MGAT5B: variants seen among roughly 807,000 people sequenced by gnomAD.
MGAT5B encodes N-acetylglucosaminyl-transferase Vb.
A neutral mutation model predicts 95.1 loss-of-function variants in MGAT5B; 54 were observed. The ratio of observed to expected loss-of-function variants is 0.57; its 90% confidence interval spans 0.46 to 0.71. The LOEUF (loss-of-function observed/expected upper bound fraction) is 0.71, where lower values mean the gene tolerates loss of function less well. Among genes scored for constraint, MGAT5B ranks in the 30% least tolerant of loss-of-function variants. The pLI is 0.00. For synonymous variants in MGAT5B, 464 were observed against 451.0 expected, an observed-to-expected ratio of 1.03 and a Z score of -0.36; for missense variants, 935 against 1,088.6, an observed-to-expected ratio of 0.86 and a Z score of 1.99.
intron 3 of MGAT5B, among the ~76,000 whole-genome samples, chr17:76,890,460 A>G (rs1405152999): frequency 2.0e-5 from 3 of 151,300 alleles, no homozygotes; most frequent in African/African-American, 2.5e-5. Context: ...TCAGGCTGCA[A>G]TAGCAAAGTT....
In MGAT5B at chr17:76,915,695, G is replaced by A. The variant is rs1293576386; in HGVS notation, c.1026-9271G>A. ...GAACCGCATCTTGGCACCTAGACTT[G>A]TGAATGGCAGCTCTCCTGCATCACC... On this transcript the variant is annotated intron_variant, in intron 8 of 17. Coordinates refer to ENST00000569840, the MANE Select transcript of MGAT5B (RefSeq NM_001199172.2). The surrounding 1 kb of genome is among the most constrained non-coding windows in gnomAD (Gnocchi z 8.7). Among the ~76,000 whole-genome samples the A allele has an allele frequency of 6.6e-6, 1 of 152,218 alleles. No individual in the cohort carries two copies. Among genetic ancestry groups the A allele is most frequent in the Non-Finnish European group, 1.5e-5 (1 of 68,034 alleles).
rs1968981067 is a variant in MGAT5B at position 76,917,559 on chromosome 17, T to C, written c.1026-7407T>C. Reference sequence around the variant, plus strand: ...ATTTTCCTGCAAGCCAGACTGCTTTTTCCTCGGCATCTCTAGCGTGGAGCC... The same window carrying C: ...ATTTTCCTGCAAGCCAGACTGCTTTCTCCTCGGCATCTCTAGCGTGGAGCC... On this transcript the variant is annotated intron_variant, in intron 8 of 17. Coordinates refer to ENST00000569840, the MANE Select transcript of MGAT5B (RefSeq NM_001199172.2). The surrounding 1 kb of genome is among the most constrained non-coding windows in gnomAD (Gnocchi z 6.1). Among the ~76,000 whole-genome samples, 1 of 152,188 alleles carries C rather than the reference T, an allele frequency of 6.6e-6. No homozygotes were observed. The highest frequency in any genetic ancestry group is 2.4e-5 in the African/African-American group (1 of 41,458).
intron 9 of MGAT5B, 111 bp from the exon 10 acceptor site, chr17:76,926,486 C>A: frequency 9.3e-7 from 1 of 1,072,250 alleles, no homozygotes; most frequent in Non-Finnish European, 1.3e-6. Context: ...ACACACTGTG[C>A]TACTCTGACT....
At chr17:76,887,523 C>T (rs1282698814) in intron 3 of MGAT5B, among the ~76,000 whole-genome samples, 1 of 74,706 alleles carries the variant, frequency 1.3e-5, no homozygotes, top group Non-Finnish European at 2.2e-5. Context: ...CCCTCCCTCC[C>T]TCCCTCCCTT....
chr17:76,925,089 G>A lies in MGAT5B; in HGVS notation c.1149G>A (p.Lys383=). 4 of 1,611,194 alleles carry A rather than the reference G, an allele frequency of 2.5e-6. No individual in the cohort carries two copies. Among genetic ancestry groups the A allele is most frequent in the Non-Finnish European group, 3.4e-6 (4 of 1,179,298 alleles). The change falls in exon 9 of 18, where the codon AAG becomes AAA. Residue 383 remains lysine (K), a synonymous_variant. Coordinates refer to ENST00000569840, the MANE Select transcript of MGAT5B (RefSeq NM_001199172.2). Reference sequence around the variant, plus strand: ...AGCGGCACATGGGACTCTCCTTCAAGAAGTACCGGTGAGAGGGCGGCCAGA... The same window carrying A: ...AGCGGCACATGGGACTCTCCTTCAAAAAGTACCGGTGAGAGGGCGGCCAGA... ...QMKRHMGLSF[K]KYRCRIRVID... is the part of the protein sequence containing the mutation.
In MGAT5B at chr17:76,904,379, A is replaced by G; in HGVS notation, c.647A>G (p.Gln216Arg). The change falls in exon 6 of 18, where the codon CAG (glutamine) becomes CGG (arginine). Residue 216 changes from glutamine to arginine, a missense_variant. Gln to Arg is a conservative substitution (Grantham distance 43). Coordinates refer to ENST00000569840, the MANE Select transcript of MGAT5B (RefSeq NM_001199172.2). The part of the protein sequence containing the change: ...WFCPPLPWRN[Q>R]TAAQRAPKPL... ...TGCCCCCCGCTGCCCTGGAGGAACC[A>G]GACGGCTGCCCAGAGGGCACCCAAG... is the stretch of plus-strand genomic sequence containing the variant. 3 of 1,574,828 alleles carry G rather than the reference A, an allele frequency of 1.9e-6. No individual in the cohort carries two copies. Among genetic ancestry groups the G allele is most frequent in the Non-Finnish European group, 8.6e-7 (1 of 1,160,484 alleles).
At position 76,914,296 on chromosome 17, in the gene MGAT5B, G is replaced by A. The variant is rs563898223; in HGVS notation, c.1025+8109G>A. 9.8e-5 allele frequency among the ~76,000 whole-genome samples: 15 copies of A among 152,326 alleles called. No individual in the cohort carries two copies. Among genetic ancestry groups the A allele is most frequent in the Middle Eastern group, 3.4e-3 (1 of 294 alleles). Reference sequence around the variant, plus strand: ...GCGGGATGGGGAGGACACAGCAGTCGTGAGTGTCTGCACTCCTCCAAGGAG... The same window carrying A: ...GCGGGATGGGGAGGACACAGCAGTCATGAGTGTCTGCACTCCTCCAAGGAG... On this transcript the variant is annotated intron_variant, in intron 8 of 17. Coordinates refer to ENST00000569840, the MANE Select transcript of MGAT5B (RefSeq NM_001199172.2). The surrounding 1 kb of genome is among the most constrained non-coding windows in gnomAD (Gnocchi z 5.1).
At position 76,948,703 on chromosome 17, in the gene MGAT5B, G is replaced by C; in HGVS notation, c.2244G>C (p.Gln748His). The C allele has an allele frequency of 6.2e-7, 1 of 1,613,500 alleles. No homozygotes were observed. The highest frequency in any genetic ancestry group is 8.5e-7 in the Non-Finnish European group (1 of 1,179,858). ...EMNHLYPAFA[Q>H]PGQECYLQKE... is the part of the protein sequence containing the mutation. ...ACCACCTGTACCCGGCGTTCGCCCA[G>C]CCTGGCCAGGAGTGCTACCTGCAGA... The change falls in exon 18 of 18, where the codon CAG (glutamine) becomes CAC (histidine). Residue 748 changes from glutamine (Q) to histidine (H), a missense_variant. Gln to His is a conservative substitution (Grantham distance 24). Transcript: ENST00000569840.
chr17:76,895,156 A>G (rs1968021324), intron 3 of MGAT5B, among the ~76,000 whole-genome samples: 4 of 152,050 alleles, frequency 2.6e-5, no homozygotes, highest in Admixed American at 2.6e-4. Flanking sequence ...TGAAAACCCT[A>G]TTGTGAACTG....
At chr17:76,872,766 A>G (rs1034955603) in intron 1 of MGAT5B, 85 bp from the exon 2 acceptor site, 1 of 1,611,240 alleles carries the variant, frequency 6.2e-7, no homozygotes, top group Non-Finnish European at 8.5e-7. Context: ...TCATTCGTAA[A>G]ACATTTGTGC....
At chr17:76,926,807 G>A in intron 10 of MGAT5B, 77 bp downstream of exon 10, 1 of 1,527,258 alleles carries the variant, frequency 6.5e-7, no homozygotes, top group South Asian at 1.2e-5. Flanking sequence ...AGGCGGCCAG[G>A]GTCTCGCTCC....
chr17:76,896,415 C>T (rs1469129098), intron 3 of MGAT5B, among the ~76,000 whole-genome samples: 7 of 152,152 alleles, frequency 4.6e-5, no homozygotes, highest in East Asian at 1.9e-4. Flanking sequence ...ACATGCTTGT[C>T]GCAGGAAAAT....
At chr17:76,937,833 A>AG (rs1969726600) in intron 12 of MGAT5B, 155 bp from the exon 13 acceptor site, 3 of 761,756 alleles carry the variant, frequency 3.9e-6, no homozygotes, top group Non-Finnish European at 6.3e-6. Context: ...AGGGCCAGAG[A>AG]GGGGCGGGGC....
In MGAT5B at chr17:76,949,108, A is replaced by G; in HGVS notation, c.*270A>G. On this transcript the variant is annotated 3_prime_UTR_variant, in exon 18 of 18. Coordinates refer to ENST00000569840, the MANE Select transcript of MGAT5B (RefSeq NM_001199172.2). ...TGGCCAAGCAGGTGTCGGACTGCTC[A>G]GAGTCCGCATGGCCCAGGAGCAGGT... The G allele has an allele frequency of 1.9e-6, 1 of 516,010 alleles. No homozygotes were observed. Among genetic ancestry groups the G allele is most frequent in the Non-Finnish European group, 3.5e-6 (1 of 287,474 alleles). 32.0% of individuals were successfully genotyped at this position (516,010 alleles called of 1,614,324 possible).
rs140694732 is a variant in MGAT5B, at chr17:76,872,707, A to T, written c.69-144A>T. 3.0e-5 allele frequency: 47 copies of T among 1,547,440 alleles called. No homozygotes were observed. In the African/African-American group the frequency reaches 6.0e-4, roughly 20 times the overall value. On this transcript the variant is annotated intron_variant, in intron 1 of 17. Transcript: ENST00000569840. ...AGTGGGGGGGCCCTCCTGGGTCTGG[A>T]GCTCAGCCCCCATCCTTTCATTCTC...
At position 76,947,925 on chromosome 17, in the gene MGAT5B, T is replaced by C; in HGVS notation, c.2019T>C (p.Ala673=). ...CCAATGCCACCCACCTCGAGTGGGC[T>C]CGGAACACCAGCTTGGCTCCTGGGG... The part of the protein sequence containing the change: ...LAPNATHLEW[A]RNTSLAPGAW... The change falls in exon 17 of 18, where the codon GCT becomes GCC. Residue 673 remains alanine, a synonymous_variant. Coordinates refer to ENST00000569840, the MANE Select transcript of MGAT5B (RefSeq NM_001199172.2). The C allele has an allele frequency of 1.2e-6, 2 of 1,613,284 alleles. No homozygotes were observed. Among genetic ancestry groups the C allele is most frequent in the Non-Finnish European group, 1.7e-6 (2 of 1,179,568 alleles).
rs1966881198 is a variant in MGAT5B at position 76,868,446 on chromosome 17, G to C, written c.-584G>C. 6.6e-6 allele frequency: 1 copy of C among 150,784 alleles called. No individual in the cohort carries two copies. Among genetic ancestry groups the C allele is most frequent in the Middle Eastern group, 3.2e-3 (1 of 314 alleles). 9.3% of individuals were successfully genotyped at this position (150,784 alleles called of 1,614,324 possible). A position where few individuals can be genotyped will look rare whatever the true frequency, so the allele number is the denominator to read the frequency against. On this transcript the variant is annotated 5_prime_UTR_variant, in exon 1 of 18. Transcript: ENST00000569840. This position sits in a 1 kb window ranked among gnomAD's most constrained non-coding sequence, Gnocchi z 6.3. ...GAGGAACAATGCGGCGCCTCCGGGC[G>C]TAGCGTCGCGCGGGGCCGGACGCCG... is the stretch of plus-strand genomic sequence containing the variant.
At chr17:76,894,237 C>T (rs531032899) in intron 3 of MGAT5B, among the ~76,000 whole-genome samples, 12 of 152,278 alleles carry the variant, frequency 7.9e-5, no homozygotes, top group South Asian at 4.1e-4. Flanking sequence ...CTGGGCTGGG[C>T]GGGGTGAACT....
chr17:76,930,665 A>C lies in MGAT5B; in HGVS notation c.1292-1980A>C, dbSNP rs1426579862. Reference sequence around the variant, plus strand: ...ACTGCACTCCACACACGGCCATGGAATTGGAGCGTGAGATCAAACATGTTC... The same window carrying C: ...ACTGCACTCCACACACGGCCATGGACTTGGAGCGTGAGATCAAACATGTTC... On this transcript the variant is annotated intron_variant, in intron 10 of 17. Transcript: ENST00000569840. The surrounding 1 kb of genome is among the most constrained non-coding windows in gnomAD (Gnocchi z 4.1). Among the ~76,000 whole-genome samples, 1 of 152,170 alleles carries C rather than the reference A, an allele frequency of 6.6e-6. No homozygotes were observed. Among genetic ancestry groups the C allele is most frequent in the East Asian group, 1.9e-4 (1 of 5,194 alleles).
Sources: gnomAD v4.1 joint callset for allele counts (sites outside exome capture counted in the v4.1 genomes callset) on GRCh38, gnomAD v4.1.1 for gene constraint, Gnocchi (gnomAD v3.1) non-coding constraint, MANE v1.5 for transcripts, NCBI Gene and HGNC (gene_info 2026-07-23, HGNC 2026-07-21) for gene names.